KAZN: variants seen among roughly 807,000 people sequenced by gnomAD.
KAZN encodes kazrin.
KAZN carries 40 observed loss-of-function variants against 87.4 expected under a neutral mutation model. The ratio of observed to expected loss-of-function variants is 0.46; its 90% CI spans 0.36 to 0.60. KAZN has a LOEUF of 0.60. Ranked by LOEUF, KAZN falls within the 20% of genes least tolerant of loss-of-function variation. KAZN has a pLI of 0.00. For synonymous variants in KAZN, 466 were observed against 458.3 expected (o/e 1.02, Z -0.22); for missense variants, 898 against 1,073.9 (o/e 0.84, Z 2.29).
chr1:13,915,733 A>G (rs1053978504), intron 1 of KAZN, among the ~76,000 whole-genome samples: 14 of 150,930 alleles, frequency 9.3e-5, no homozygotes, highest in African/African-American at 3.5e-4. Context: ...TTCGCTTTTT[A>G]GCACTAGAGA....
At chr1:14,202,357 A>T (rs1571004157) in intron 2 of KAZN, among the ~76,000 whole-genome samples, 1 of 152,182 alleles carries the variant, frequency 6.6e-6, no homozygotes, top group South Asian at 2.1e-4. Context: ...TAGGGAAGGC[A>T]TTCTAAATAT....
At chr1:14,826,162 C>G (rs1256913281) in intron 1 of KAZN, among the ~76,000 whole-genome samples, 1 of 152,136 alleles carries the variant, frequency 6.6e-6, no homozygotes, top group Non-Finnish European at 1.5e-5. Flanking sequence ...CCCGTGCACC[C>G]CCATCTGAGG....
intron 13 of KAZN, among the ~76,000 whole-genome samples, chr1:15,108,992 TAAG>T (rs1014011525): frequency 2.0e-5 from 3 of 151,924 alleles, no homozygotes; most frequent in Non-Finnish European, 2.9e-5. Context: ...GTGGAAAAAA[TAAG>T]GAGGGAGGAT....
chr1:14,894,205 C>T (rs994758643), intron 1 of KAZN, among the ~76,000 whole-genome samples: 4 of 152,128 alleles, frequency 2.6e-5, no homozygotes, highest in Admixed American at 1.3e-4. Flanking sequence ...CCATCTCCCC[C>T]GCTCCAGCCT....
chr1:14,763,261 GA>G (rs1188970105), intron 1 of KAZN, among the ~76,000 whole-genome samples: 1 of 152,214 alleles, frequency 6.6e-6, no homozygotes, highest in East Asian at 1.9e-4. Flanking sequence ...ACTAGTTGAG[GA>G]GCTGTTTCCG....
intron 2 of KAZN, among the ~76,000 whole-genome samples, chr1:14,991,058 A>G (rs1214733082): frequency 2.0e-5 from 3 of 151,858 alleles, no homozygotes; most frequent in Admixed American, 2.0e-4. Context: ...AGCCTCAGAA[A>G]GAACCAACCC....
intron 2 of KAZN, among the ~76,000 whole-genome samples, chr1:14,301,234 C>T (rs1654529680): frequency 6.6e-6 from 1 of 152,108 alleles, no homozygotes. Flanking sequence ...ATTCACATAC[C>T]CGGTTGCATT....
chr1:14,430,665 G>A (rs1019534052), intron 2 of KAZN, among the ~76,000 whole-genome samples: 7 of 152,216 alleles, frequency 4.6e-5, no homozygotes, highest in Non-Finnish European at 8.8e-5. Context: ...CCAGACAGAG[G>A]ATAATCACAT....
rs569448656 is a variant in KAZN, at chr1:14,393,940, T to C, written c.250-205043T>C. Among the ~76,000 whole-genome samples, 3 of 152,182 alleles carry C rather than the reference T, an allele frequency of 2.0e-5. 1 individual carries two copies. The highest frequency in any genetic ancestry group is 6.8e-3 in the Middle Eastern group (2 of 294). ...TTTTTAATGTAGTTGGAAAGCCCTTTAAACTCATTTTAATGGTATCAGGAG... is the reference window on the plus strand; with the variant it reads ...TTTTTAATGTAGTTGGAAAGCCCTTCAAACTCATTTTAATGGTATCAGGAG... On this transcript the variant is annotated intron_variant, in intron 2 of 16. Transcript: ENST00000636203.
chr1:15,063,187 T>C (rs1407481036), intron 6 of KAZN: 1 of 200,124 alleles, frequency 5.0e-6, no homozygotes, highest in African/African-American at 2.3e-5. Context: ...AAATTCTCTA[T>C]TTTGTGCTTT....
intron 1 of KAZN, among the ~76,000 whole-genome samples, chr1:14,050,442 T>G (rs1642280740): frequency 6.6e-6 from 1 of 152,158 alleles, no homozygotes; most frequent in Non-Finnish European, 1.5e-5. Context: ...TGGGGTGGCT[T>G]CAGGAAACTT....
chr1:14,382,768 G>T (rs1250756607), intron 2 of KAZN, among the ~76,000 whole-genome samples: 2 of 149,034 alleles, frequency 1.3e-5, no homozygotes, highest in Non-Finnish European at 3.0e-5. Context: ...GAATAATGCC[G>T]CAATAAACAT....
intron 2 of KAZN, among the ~76,000 whole-genome samples, chr1:14,195,424 G>A (rs187105230): frequency 6.6e-5 from 10 of 151,860 alleles, no homozygotes; most frequent in African/African-American, 2.4e-4. Flanking sequence ...AGAGAATATG[G>A]TAGAGGGGTG....
chr1:14,564,541 C>T (rs1488527620), intron 2 of KAZN, among the ~76,000 whole-genome samples: 1 of 152,026 alleles, frequency 6.6e-6, no homozygotes, highest in Non-Finnish European at 1.5e-5. Context: ...CACAGTGGCT[C>T]ATGCCTGTAA....
At chr1:14,138,577 A>G (rs1050352394) in intron 1 of KAZN, among the ~76,000 whole-genome samples, 15 of 152,106 alleles carry the variant, frequency 9.9e-5, no homozygotes, top group Non-Finnish European at 2.9e-5. Flanking sequence ...CGTCCTGGAA[A>G]GGGAAGGTGG....
intron 2 of KAZN, among the ~76,000 whole-genome samples, chr1:14,525,310 T>C (rs1671803808): frequency 6.6e-6 from 1 of 152,110 alleles, no homozygotes. Flanking sequence ...TGCATTAATT[T>C]CTTTTTTATC....
chr1:14,885,176 G>A (rs1302165686), intron 1 of KAZN, among the ~76,000 whole-genome samples: 1 of 152,112 alleles, frequency 6.6e-6, no homozygotes, highest in Non-Finnish European at 1.5e-5. Flanking sequence ...CTGGAAATGG[G>A]GATATAATCA....
At chr1:14,821,828 T>C (rs190991427) in intron 1 of KAZN, among the ~76,000 whole-genome samples, 74 of 152,238 alleles carry the variant, frequency 4.9e-4, no homozygotes, top group Middle Eastern at 3.4e-3. Context: ...TCTCCCTGTG[T>C]AACAGATGGA....
chr1:14,868,089 A>C (rs867674112), intron 1 of KAZN, among the ~76,000 whole-genome samples: 21 of 151,874 alleles, frequency 1.4e-4, no homozygotes, highest in Admixed American at 1.3e-4. Flanking sequence ...TCACATACGC[A>C]CGGTATCACA....
Sources: allele counts gnomAD v4.1 joint callset (sites outside exome capture counted in the v4.1 genomes callset), GRCh38; gene constraint gnomAD v4.1.1; transcripts MANE v1.5; gene names NCBI Gene and HGNC (gene_info 2026-07-23, HGNC 2026-07-21).